The following SCAND3 variants were observed in gnomAD, a reference collection of about 807,000 sequenced individuals.
The protein encoded by SCAND3 is SCAN domain containing 3.
the SCAND3 span, among the ~76,000 whole-genome samples, chr6:28,580,326 C>T: frequency 5.9e-5 from 9 of 151,886 alleles, no homozygotes; most frequent in Admixed American, 2.0e-4. Context: ...AGGTGGTGCA[C>T]GCCTGTAGTC....
chr6:28,588,460 A>G, the SCAND3 span, among the ~76,000 whole-genome samples: 1 of 152,244 alleles, frequency 6.6e-6, no homozygotes, highest in Non-Finnish European at 1.5e-5. The surrounding 1 kb of genome is among the most constrained non-coding windows in gnomAD (Gnocchi z 4.1). Context: ...TTACTACAAC[A>G]GTGATAGACA....
the SCAND3 span, chr6:28,572,590 G>A: frequency 6.2e-7 from 1 of 1,613,990 alleles, no homozygotes; most frequent in Non-Finnish European, 8.5e-7. The surrounding 1 kb of genome is among the most constrained non-coding windows in gnomAD (Gnocchi z 4.1). Context: ...AGCAAGTCTG[G>A]CTGTCCAATT....
chr6:28,581,139 C>T, the SCAND3 span, among the ~76,000 whole-genome samples: 1 of 152,038 alleles, frequency 6.6e-6, no homozygotes, highest in Non-Finnish European at 1.5e-5. Flanking sequence ...GAATTCGAGA[C>T]CAGCCTGGGC....
the SCAND3 span, among the ~76,000 whole-genome samples, chr6:28,601,944 C>T: frequency 6.6e-6 from 1 of 152,046 alleles, no homozygotes; most frequent in Admixed American, 6.5e-5. Flanking sequence ...ACCCACCCAC[C>T]CCTCTATGCC....
the SCAND3 span, among the ~76,000 whole-genome samples, chr6:28,578,282 A>C: frequency 6.6e-6 from 1 of 152,222 alleles, no homozygotes; most frequent in African/African-American, 2.4e-5. Context: ...TTAAACTCAC[A>C]GTGAGTTTTC....
At chr6:28,590,402 A>C in the SCAND3 span, 1 of 152,206 alleles carries the variant, frequency 6.6e-6, no homozygotes, top group Non-Finnish European at 1.5e-5. Flanking sequence ...GCCTCCCCTG[A>C]ACTGTGTGTG....
chr6:28,582,481 G>A, the SCAND3 span, among the ~76,000 whole-genome samples: 1 of 152,136 alleles, frequency 6.6e-6, no homozygotes, highest in African/African-American at 2.4e-5. The surrounding 1 kb of genome is among the most constrained non-coding windows in gnomAD (Gnocchi z 4.8). Context: ...ATAGGCATTT[G>A]TGCTGCAACA....
At chr6:28,573,923 TAAAA>T in the SCAND3 span, 2 of 1,330,402 alleles carry the variant, frequency 1.5e-6, no homozygotes, top group Non-Finnish European at 9.8e-7. Flanking sequence ...TTGATTAAAA[TAAAA>T]AATTATTTTA....
chr6:28,575,125 G>C, the SCAND3 span: 8 of 1,614,152 alleles, frequency 5.0e-6, no homozygotes, highest in Non-Finnish European at 6.8e-6. This position sits in a 1 kb window ranked among gnomAD's most constrained non-coding sequence, Gnocchi z 4.2. Flanking sequence ...GCCCAGTTTA[G>C]CTTCAGAGCT....
chr6:28,600,723 A>G, the SCAND3 span, among the ~76,000 whole-genome samples: 1 of 152,172 alleles, frequency 6.6e-6, no homozygotes, highest in African/African-American at 2.4e-5. Flanking sequence ...CGAACAACTC[A>G]CCCATAAAAA....
the SCAND3 span, chr6:28,574,548 T>C: frequency 9.5e-7 from 1 of 1,053,692 alleles, no homozygotes; most frequent in Admixed American, 2.3e-5. Flanking sequence ...GTAATAAAAA[T>C]GTGCTTTCAT....
At chr6:28,589,514 CGCT>C in the SCAND3 span, 1 of 152,068 alleles carries the variant, frequency 6.6e-6, no homozygotes, top group Non-Finnish European at 1.5e-5. Flanking sequence ...TTCGTTCCTC[CGCT>C]TCCCATCGAA....
At chr6:28,594,197 T>C in the SCAND3 span, 1 of 152,190 alleles carries the variant, frequency 6.6e-6, no homozygotes, top group African/African-American at 2.4e-5. Context: ...TTTCAAAAAC[T>C]AAAAATAAAA....
chr6:28,598,682 TAAAAATAAAATAAAATAAAATAAAA>T, the SCAND3 span, among the ~76,000 whole-genome samples: 2,880 of 121,680 alleles, frequency 0.024, 40 homozygotes, highest in African/African-American at 0.046. Flanking sequence ...CTGTTTCTAC[TAAAAATAAAATAAAATAAAATAAAA>T]TAAAATAAAA....
chr6:28,614,953 T>A, the SCAND3 span, among the ~76,000 whole-genome samples: 1 of 152,248 alleles, frequency 6.6e-6, no homozygotes, highest in Non-Finnish European at 1.5e-5. Flanking sequence ...TATATTAGTT[T>A]ACTAACTCTA....
the SCAND3 span, among the ~76,000 whole-genome samples, chr6:28,580,245 C>T: frequency 2.0e-5 from 3 of 151,968 alleles, no homozygotes; most frequent in Non-Finnish European, 2.9e-5. Context: ...CCTGAGGTAA[C>T]GAGTTCGGGA....
At chr6:28,614,000 G>C in the SCAND3 span, among the ~76,000 whole-genome samples, 12 of 144,076 alleles carry the variant, frequency 8.3e-5, no homozygotes, top group Admixed American at 8.4e-4. Context: ...TTTCGCTCTT[G>C]TTGCCCAGGA....
the SCAND3 span, among the ~76,000 whole-genome samples, chr6:28,578,923 A>C: frequency 7.6e-4 from 116 of 152,330 alleles, 1 homozygote; most frequent in South Asian, 0.011. Flanking sequence ...ATGTATACAC[A>C]GTCATTATGT....
chr6:28,576,095 C>A, the SCAND3 span: 1 of 1,603,802 alleles, frequency 6.2e-7, no homozygotes, highest in Non-Finnish European at 8.5e-7. Context: ...AGGTTATCAC[C>A]ACCCATGCTT....
Sources: allele counts gnomAD v4.1 joint callset (sites outside exome capture counted in the v4.1 genomes callset), GRCh38; gene constraint gnomAD v4.1.1; non-coding constraint Gnocchi (gnomAD v3.1); transcripts MANE v1.5; gene names NCBI Gene and HGNC (gene_info 2026-07-23, HGNC 2026-07-21).